The following RGS7 variants were observed in gnomAD, a reference collection of about 807,000 sequenced individuals.
RGS7 encodes regulator of G protein signaling 7, also known as regulator of G-protein signaling 7.
Under a neutral mutation model 81.1 loss-of-function variants are expected in RGS7, and 27 were observed. The observed-to-expected ratio is 0.33, with a 90% confidence interval of 0.25 to 0.46. The LOEUF is 0.46. Ranked by LOEUF, RGS7 falls within the 20% of genes least tolerant of loss-of-function variation. RGS7 has a pLI of 1.00. For synonymous variants in RGS7, 208 were observed against 207.7 expected (o/e 1.00, Z -0.01); for missense variants, 396 against 607.4 (o/e 0.65, Z 3.66).
intron 9 of RGS7, among the ~76,000 whole-genome samples, chr1:240,863,754 A>AACCATTTTAAAAT (rs1662695200): frequency 6.6e-6 from 1 of 152,170 alleles, no homozygotes; most frequent in African/African-American, 2.4e-5. Flanking sequence ...GATATGTGAA[A>AACCATTTTAAAAT]ACCGTTTTAA....
At chr1:240,924,917 T>C (rs1674168402) in intron 6 of RGS7, among the ~76,000 whole-genome samples, 1 of 152,056 alleles carries the variant, frequency 6.6e-6, no homozygotes. Flanking sequence ...AAAATAAAAA[T>C]TAATGCAAAA....
At chr1:241,140,148 G>C (rs2067827738) in intron 2 of RGS7, among the ~76,000 whole-genome samples, 1 of 152,198 alleles carries the variant, frequency 6.6e-6, no homozygotes, top group Non-Finnish European at 1.5e-5. Flanking sequence ...ACACAGGCAG[G>C]TAGAGAGCAA....
At position 241,072,434 on chromosome 1, in the gene RGS7, T is replaced by C. The variant is rs1287028681; in HGVS notation, c.175+26232A>G. Among the ~76,000 whole-genome samples the C allele has an allele frequency of 2.0e-5, 3 of 152,288 alleles. No individual in the cohort carries two copies. The East Asian group carries it at 5.8e-4, about 29-fold the overall frequency. ...CTATCTTGCAGGAGGCTCTGTGTCCTGCCGAAGGTTGTCATGAGGCTCTTT... is the reference window on the plus strand; with the variant it reads ...CTATCTTGCAGGAGGCTCTGTGTCCCGCCGAAGGTTGTCATGAGGCTCTTT... On this transcript the variant is annotated intron_variant, in intron 3 of 18. Transcript: ENST00000440928.
chr1:241,005,293 A>G (rs1169109242), intron 3 of RGS7, among the ~76,000 whole-genome samples: 1 of 152,242 alleles, frequency 6.6e-6, no homozygotes, highest in Non-Finnish European at 1.5e-5. Context: ...TGCACAGATT[A>G]TATGCACAGA....
intron 2 of RGS7, among the ~76,000 whole-genome samples, chr1:241,136,264 A>G (rs1486535204): frequency 6.6e-6 from 1 of 152,146 alleles, no homozygotes; most frequent in Non-Finnish European, 1.5e-5. Flanking sequence ...TTACTTCAGG[A>G]GCTTGATAAA....
chr1:240,972,227 T>G (rs903291273), intron 4 of RGS7, among the ~76,000 whole-genome samples: 4 of 152,132 alleles, frequency 2.6e-5, no homozygotes, highest in Non-Finnish European at 5.9e-5. Context: ...GAAATAGTTG[T>G]TCAAAAAGGT....
intron 2 of RGS7, among the ~76,000 whole-genome samples, chr1:241,100,329 G>T (rs563171883): frequency 5.4e-5 from 8 of 147,734 alleles, no homozygotes; most frequent in South Asian, 2.1e-4. Context: ...GAGCCGAGAT[G>T]GCGCCACTGC....
At chr1:241,242,754 A>C (rs572567008) in intron 2 of RGS7, among the ~76,000 whole-genome samples, 112 of 152,066 alleles carry the variant, frequency 7.4e-4, no homozygotes, top group Non-Finnish European at 1.3e-3. Flanking sequence ...TTTTTTTCAT[A>C]TGTTTCTTGG....
At chr1:241,113,514 T>C (rs2065675768) in intron 2 of RGS7, among the ~76,000 whole-genome samples, 1 of 152,212 alleles carries the variant, frequency 6.6e-6, no homozygotes, top group Non-Finnish European at 1.5e-5. Flanking sequence ...AGGTTTTTTA[T>C]TGTTTTAAAG....
intron 3 of RGS7, among the ~76,000 whole-genome samples, chr1:240,996,854 G>T (rs1454830198): frequency 6.6e-6 from 1 of 152,064 alleles, no homozygotes; most frequent in East Asian, 1.9e-4. Context: ...TAGGGCTTAA[G>T]TATGCCATTT....
At chr1:240,866,860 G>A (rs1663395235) in intron 9 of RGS7, among the ~76,000 whole-genome samples, 1 of 152,116 alleles carries the variant, frequency 6.6e-6, no homozygotes, top group Non-Finnish European at 1.5e-5. Flanking sequence ...CAGTGCAGGG[G>A]AGCTGGCATG....
chr1:240,979,576 G>A (rs1684632469), intron 4 of RGS7, among the ~76,000 whole-genome samples: 1 of 152,200 alleles, frequency 6.6e-6, no homozygotes, highest in East Asian at 1.9e-4. Flanking sequence ...TGAGTTTGAC[G>A]TTTCGGGGAG....
At chr1:241,270,754 C>A (rs989063111) in intron 2 of RGS7, among the ~76,000 whole-genome samples, 1 of 121,080 alleles carries the variant, frequency 8.3e-6, no homozygotes, top group African/African-American at 2.7e-5. Flanking sequence ...GAAATAAACC[C>A]CCCCCCCTTT....
intron 2 of RGS7, among the ~76,000 whole-genome samples, chr1:241,184,825 C>T (rs962003165): frequency 6.6e-6 from 1 of 152,074 alleles, no homozygotes; most frequent in South Asian, 2.1e-4. Flanking sequence ...AGATAGGCAA[C>T]CTGTACAATA....
intron 4 of RGS7, among the ~76,000 whole-genome samples, chr1:240,971,193 G>A (rs139605400): frequency 7.9e-5 from 12 of 152,200 alleles, no homozygotes; most frequent in East Asian, 1.9e-4. Context: ...AGGCCACAGC[G>A]AGAAGACAGC....
At chr1:240,946,920 A>G (rs1678722902) in intron 4 of RGS7, among the ~76,000 whole-genome samples, 1 of 152,254 alleles carries the variant, frequency 6.6e-6, no homozygotes, top group Admixed American at 6.5e-5. Context: ...AGTGATGGAT[A>G]CGGTAATTGC....
intron 10 of RGS7, among the ~76,000 whole-genome samples, chr1:240,817,615 T>C (rs1282040771): frequency 6.6e-6 from 1 of 152,042 alleles, no homozygotes; most frequent in Non-Finnish European, 1.5e-5. Flanking sequence ...TTATTTTTAT[T>C]TTTTTGAGAC....
chr1:241,070,627 A>G (rs908490871), intron 3 of RGS7, among the ~76,000 whole-genome samples: 3 of 152,204 alleles, frequency 2.0e-5, no homozygotes, highest in African/African-American at 4.8e-5. Context: ...TGATGGCTAC[A>G]CTACACTGCA....
At chr1:241,217,629 T>C (rs1483892524) in intron 2 of RGS7, among the ~76,000 whole-genome samples, 1 of 152,172 alleles carries the variant, frequency 6.6e-6, no homozygotes, top group Admixed American at 6.5e-5. Flanking sequence ...GTTTTAGACT[T>C]TCCTTTTACC....
Sources: gnomAD v4.1 joint callset for allele counts (sites outside exome capture counted in the v4.1 genomes callset) on GRCh38, gnomAD v4.1.1 for gene constraint, MANE v1.5 for transcripts, NCBI Gene and HGNC (gene_info 2026-07-23, HGNC 2026-07-21) for gene names.